FMO3: variants seen among roughly 807,000 people sequenced by gnomAD.
FMO3 encodes flavin-containing monooxygenase 3.
FMO3 carries 40 observed loss-of-function variants against 39.4 expected under a neutral mutation model. The ratio of observed to expected loss-of-function variants is 1.02; its 90% CI spans 0.79 to 1.32. The LOEUF (loss-of-function observed/expected upper bound fraction) is 1.32, where lower values mean the gene tolerates loss of function less well. FMO3 is among the 40% of genes most tolerant of loss of function. The pLI, the probability that FMO3 is intolerant of heterozygous loss-of-function variation, is 0.00. For missense variants in FMO3, 680 were observed against 651.8 expected (o/e 1.04, Z -0.47); for synonymous variants, 219 against 228.8 (o/e 0.96, Z 0.39).
chr1:171,094,951 T>TTGTTCTAACTC (rs1376879515), intron 2 of FMO3, among the ~76,000 whole-genome samples: 4 of 152,206 alleles, frequency 2.6e-5, no homozygotes, highest in Non-Finnish European at 1.5e-5. Context: ...ATTTTTAGAA[T>TTGTTCTAACTC]TGTTCTAATT....
chr1:171,111,077 C>T (rs1031764295), intron 6 of FMO3, 80 bp downstream of exon 6: 6 of 1,088,498 alleles, frequency 5.5e-6, no homozygotes, highest in South Asian at 5.0e-5. Context: ...AAGCCCAAAA[C>T]AAATCAAAGT....
intron 2 of FMO3, among the ~76,000 whole-genome samples, chr1:171,096,069 T>TA: frequency 1.5e-5 from 1 of 65,960 alleles, no homozygotes; most frequent in Non-Finnish European, 2.4e-5. Context: ...ATATATTATA[T>TA]ATTAATATAT....
chr1:171,107,276 C>T (rs930341872), intron 3 of FMO3, among the ~76,000 whole-genome samples: 2 of 152,132 alleles, frequency 1.3e-5, no homozygotes, highest in Non-Finnish European at 2.9e-5. Flanking sequence ...TTCTGGATCA[C>T]GTTTTCATAT....
chr1:171,113,110 T>A (rs28363577), intron 6 of FMO3, among the ~76,000 whole-genome samples: 104 of 152,280 alleles, frequency 6.8e-4, no homozygotes, highest in African/African-American at 2.3e-3. Context: ...TGGAGTTTGT[T>A]CTCCAGTGGA....
At position 171,103,842 on chromosome 1, in the gene FMO3, A is replaced by G. The variant is rs781607962; in HGVS notation, c.190A>G (p.Lys64Glu). Reference protein sequence around the residue: ...IYKSVFSNSSKEMMCFPDFPF... With the variant: ...IYKSVFSNSSEEMMCFPDFPF... The stretch of plus-strand genomic sequence containing the variant: ...CAAATCAGTCTTTTCCAACTCTTCC[A>G]AAGAGATGATGTGTTTCCCAGACTT... The change falls in exon 3 of 9, where the codon AAA (lysine) becomes GAA (glutamate). Residue 64 changes from lysine to glutamate, a missense_variant. Physicochemically the swap from Lys to Glu is moderately conservative, Grantham distance 56. Coordinates refer to ENST00000367755, the MANE Select transcript of FMO3 (RefSeq NM_001002294.3). The G allele has an allele frequency of 3.1e-6, 5 of 1,613,698 alleles. No homozygotes were observed. The South Asian group carries it at 5.5e-5, about 18-fold the overall frequency.
chr1:171,098,359 G>A (rs1655202252), intron 2 of FMO3, among the ~76,000 whole-genome samples: 1 of 152,104 alleles, frequency 6.6e-6, no homozygotes. Context: ...GGATGGCATT[G>A]AATCTATAAA....
At chr1:171,095,882 T>C (rs1654946122) in intron 2 of FMO3, among the ~76,000 whole-genome samples, 2 of 87,536 alleles carry the variant, frequency 2.3e-5, no homozygotes, top group South Asian at 6.8e-4. Flanking sequence ...TAAAATATAA[T>C]TATATTATAT....
At chr1:171,113,778 G>T (rs1656014431) in intron 6 of FMO3, among the ~76,000 whole-genome samples, 1 of 152,130 alleles carries the variant, frequency 6.6e-6, no homozygotes, top group Non-Finnish European at 1.5e-5. Context: ...AGAGCTCCAT[G>T]GAAGAGAAGG....
chr1:171,093,482 TATTCCATGGTGTGTGCATATATACATAC>T (rs1371659895), intron 2 of FMO3, among the ~76,000 whole-genome samples: 6,817 of 152,168 alleles, frequency 0.045, 504 homozygotes, highest in African/African-American at 0.16. Flanking sequence ...CGCTGGGTAG[TATTCCATGGTGTGTGCATATATACATAC>T]ATATATATGT....
At chr1:171,111,794 T>G (rs757271389) in intron 6 of FMO3, among the ~76,000 whole-genome samples, 3 of 152,234 alleles carry the variant, frequency 2.0e-5, no homozygotes, top group Non-Finnish European at 4.4e-5. Flanking sequence ...ATCCTGTGTT[T>G]AGCCCTGTGG....
At chr1:171,094,641 T>C (rs1249591040) in intron 2 of FMO3, among the ~76,000 whole-genome samples, 1 of 152,162 alleles carries the variant, frequency 6.6e-6, no homozygotes, top group Non-Finnish European at 1.5e-5. Context: ...AGGGGTCCAC[T>C]TTCATTCTGC....
intron 1 of FMO3, among the ~76,000 whole-genome samples, chr1:171,092,172 C>T (rs1293206366): frequency 6.6e-6 from 1 of 151,684 alleles, no homozygotes; most frequent in African/African-American, 2.4e-5. Flanking sequence ...CAGAAGAAAA[C>T]TTTCTCTTTA....
chr1:171,104,250 T>C (rs1283981956), intron 3 of FMO3, among the ~76,000 whole-genome samples: 3 of 152,130 alleles, frequency 2.0e-5, no homozygotes, highest in Non-Finnish European at 4.4e-5. Flanking sequence ...ATTTGGAAAT[T>C]AAAAACTCTT....
chr1:171,099,759 C>CTTTTTTTTTTTTTTTTTTT (rs747274398), intron 2 of FMO3: 17 of 117,582 alleles, frequency 1.4e-4, no homozygotes, highest in Admixed American at 1.9e-4. Context: ...CCATGTCTTT[C>CTTTTTTTTTTTTTTTTTTT]TTTTTTTTTT....
intron 5 of FMO3, among the ~76,000 whole-genome samples, chr1:171,110,477 G>A (rs1655856155): frequency 1.3e-5 from 2 of 152,118 alleles, no homozygotes; most frequent in African/African-American, 2.4e-5. Context: ...CCACAGGAAG[G>A]GAAGGAAGCT....
intron 2 of FMO3, among the ~76,000 whole-genome samples, chr1:171,096,081 A>T (rs759565540): frequency 0.34 from 17,771 of 51,652 alleles, 3,779 homozygotes; most frequent in African/African-American, 0.57. Context: ...TTAATATATA[A>T]TATATATTAA....
intron 2 of FMO3, among the ~76,000 whole-genome samples, chr1:171,095,196 G>A (rs1432292597): frequency 6.6e-6 from 1 of 152,044 alleles, no homozygotes; most frequent in African/African-American, 2.4e-5. Context: ...CATTCATTTG[G>A]TGAGGCTACC....
intron 2 of FMO3, among the ~76,000 whole-genome samples, chr1:171,096,803 A>T (rs914619167): frequency 8.0e-5 from 10 of 125,494 alleles, no homozygotes; most frequent in African/African-American, 3.0e-4. Context: ...TATATTTGTA[A>T]TTATACTTTA....
At chr1:171,115,267 C>G (rs1041637028) in intron 7 of FMO3, among the ~76,000 whole-genome samples, 2 of 152,138 alleles carry the variant, frequency 1.3e-5, no homozygotes, top group Non-Finnish European at 1.5e-5. Context: ...GGCACAGGCT[C>G]TCTTAAGGGA....
Sources: gnomAD v4.1 joint callset for allele counts (sites outside exome capture counted in the v4.1 genomes callset) on GRCh38, gnomAD v4.1.1 for gene constraint, MANE v1.5 for transcripts, NCBI Gene and HGNC (gene_info 2026-07-23, HGNC 2026-07-21) for gene names.